The following EPB41L4A variants were observed in gnomAD, a reference collection of about 807,000 sequenced individuals.
EPB41L4A encodes erythrocyte membrane protein band 4.1 like 4A, also known as band 4.1-like protein 4A.
A neutral mutation model predicts 108.6 loss-of-function variants in EPB41L4A; 100 were observed. The ratio of observed to expected loss-of-function variants is 0.92; its 90% confidence interval spans 0.78 to 1.09. The LOEUF is 1.09. EPB41L4A is among the 50% of genes least tolerant of loss of function. The probability of loss-of-function intolerance (pLI) is 0.00; values close to 1 mark genes in which losing one functional copy is unlikely to be tolerated. For missense variants in EPB41L4A, 1,030 were observed against 842.7 expected (o/e 1.22, Z -2.75); for synonymous variants, 319 against 289.0 (o/e 1.10, Z -1.05).
chr5:112,305,660 G>C (rs1206537613), intron 2 of EPB41L4A, among the ~76,000 whole-genome samples: 1 of 152,104 alleles, frequency 6.6e-6, no homozygotes, highest in African/African-American at 2.4e-5. Flanking sequence ...ACAATTAAAA[G>C]ATAATCAGAC....
chr5:112,232,206 G>A (rs1011505345), intron 12 of EPB41L4A, among the ~76,000 whole-genome samples: 11 of 151,956 alleles, frequency 7.2e-5, no homozygotes, highest in African/African-American at 2.7e-4. Flanking sequence ...GCATTAGGGG[G>A]ACCAGCTTAC....
chr5:112,349,870 C>A (rs1458357488), intron 1 of EPB41L4A, among the ~76,000 whole-genome samples: 2 of 152,118 alleles, frequency 1.3e-5, no homozygotes, highest in African/African-American at 4.8e-5. Context: ...AAAAATCTTG[C>A]AAAGCAAAAC....
intron 6 of EPB41L4A, 96 bp downstream of exon 6, chr5:112,264,800 A>G: frequency 8.3e-7 from 1 of 1,200,046 alleles, no homozygotes. Context: ...TTAAATGCAC[A>G]GGTGAAGAAT....
At chr5:112,266,058 C>A (rs1457705642) in intron 5 of EPB41L4A, among the ~76,000 whole-genome samples, 175 bp downstream of exon 5, 1 of 152,166 alleles carries the variant, frequency 6.6e-6, no homozygotes, top group East Asian at 1.9e-4. Context: ...TACTAGGCTC[C>A]ACTTTTACCT....
At chr5:112,181,759 G>C (rs892217424) in intron 18 of EPB41L4A, among the ~76,000 whole-genome samples, 1 of 152,186 alleles carries the variant, frequency 6.6e-6, no homozygotes, top group Non-Finnish European at 1.5e-5. Flanking sequence ...TTCGACAAGA[G>C]AGAAAAACTC....
chr5:112,276,765 C>T (rs1711231536), intron 3 of EPB41L4A, among the ~76,000 whole-genome samples: 1 of 152,122 alleles, frequency 6.6e-6, no homozygotes, highest in East Asian at 1.9e-4. Flanking sequence ...AACATATGAA[C>T]TATGTTACTA....
chr5:112,277,664 T>C (rs771352132), intron 3 of EPB41L4A, among the ~76,000 whole-genome samples: 3 of 152,226 alleles, frequency 2.0e-5, no homozygotes, highest in Non-Finnish European at 2.9e-5. Context: ...TGCACCATTC[T>C]ATACAGCTTC....
intron 1 of EPB41L4A, among the ~76,000 whole-genome samples, chr5:112,359,544 CTTT>C (rs5870498): frequency 4.8e-5 from 7 of 146,350 alleles, no homozygotes; most frequent in African/African-American, 5.0e-5. Context: ...TGAAAGTCTT[CTTT>C]TTTTTTTTTT....
At chr5:112,236,245 C>T (rs1453996626) in intron 11 of EPB41L4A, among the ~76,000 whole-genome samples, 1 of 152,046 alleles carries the variant, frequency 6.6e-6, no homozygotes, top group East Asian at 1.9e-4. Flanking sequence ...GGACCAGAAG[C>T]GTAAAGTGAT....
intron 18 of EPB41L4A, among the ~76,000 whole-genome samples, chr5:112,181,672 T>C (rs1409522669): frequency 6.6e-6 from 1 of 152,142 alleles, no homozygotes; most frequent in Non-Finnish European, 1.5e-5. Flanking sequence ...ATACCATGGA[T>C]GAAGCTCAAA....
exon 13 of EPB41L4A, chr5:112,145,922 G>C (rs1335734852): frequency 2.2e-6 from 1 of 456,780 alleles, no homozygotes; most frequent in Admixed American, 2.3e-5. Flanking sequence ...TGTATTATGA[G>C]AGACCTTCTG....
rs577820832 is a variant in EPB41L4A at position 112,392,338 on chromosome 5, T to A, written c.99+26603A>T. Among the ~76,000 whole-genome samples the A allele has an allele frequency of 5.0e-4, 68 of 136,456 alleles. 1 individual carries two copies. The highest frequency in any genetic ancestry group is 8.9e-4 in the Non-Finnish European group (59 of 66,040). The allele number at this position is 136,456 out of a possible 152,430, so 89.5% of individuals were successfully genotyped here. A position where few individuals can be genotyped will look rare whatever the true frequency, so the allele number is the denominator to read the frequency against. ...CTGTATTCAGGAGACACATCTCACA[T>A]GCAGAGACACACATAGGCTCAAAAT... On this transcript the variant is annotated intron_variant, in intron 1 of 22. Coordinates refer to ENST00000261486, the MANE Select transcript of EPB41L4A (RefSeq NM_022140.5).
intron 1 of EPB41L4A, among the ~76,000 whole-genome samples, chr5:112,366,757 G>C (rs1038295391): frequency 6.6e-6 from 1 of 152,146 alleles, no homozygotes; most frequent in Non-Finnish European, 1.5e-5. Flanking sequence ...ATACAACCAG[G>C]GGGACAAATG....
chr5:112,414,785 G>A (rs1414708079), intron 1 of EPB41L4A, among the ~76,000 whole-genome samples: 1 of 152,082 alleles, frequency 6.6e-6, no homozygotes, highest in Non-Finnish European at 1.5e-5. Context: ...GTAAAATTGA[G>A]GGGCTATTTA....
At chr5:112,157,999 G>C (rs1175376430), downstream of EPB41L4A, among the ~76,000 whole-genome samples, 1 of 152,110 alleles carries the variant, frequency 6.6e-6, no homozygotes, top group African/African-American at 2.4e-5. Flanking sequence ...TTAGTAATTG[G>C]GTTTTCTGTA....
intron 11 of EPB41L4A, 60 bp from the exon 12 acceptor site, chr5:112,234,815 A>G (rs1749213604): frequency 6.4e-7 from 1 of 1,550,968 alleles, no homozygotes. Context: ...AAATTAAACA[A>G]CAGGTCATTC....
At chr5:112,234,184 T>TTAAAATAAAA (rs60528061) in intron 12 of EPB41L4A, among the ~76,000 whole-genome samples, 7 of 145,508 alleles carry the variant, frequency 4.8e-5, no homozygotes, top group Middle Eastern at 3.6e-3. Context: ...ATAAATAAAA[T>TTAAAATAAAA]TAAAATAAAA....
intron 1 of EPB41L4A, among the ~76,000 whole-genome samples, chr5:112,309,079 T>A (rs1035111402): frequency 6.6e-6 from 1 of 152,200 alleles, no homozygotes; most frequent in Non-Finnish European, 1.5e-5. Context: ...TTACTTATAC[T>A]TAGCTCTTCA....
intron 1 of EPB41L4A, among the ~76,000 whole-genome samples, chr5:112,361,712 ATAATAATAAT>A (rs1758779122): frequency 1.4e-5 from 2 of 144,762 alleles, no homozygotes; most frequent in South Asian, 2.2e-4. Flanking sequence ...CTAAAAAAAA[ATAATAATAAT>A]AATAATAATA....
Sources: gnomAD v4.1 joint callset for allele counts (sites outside exome capture counted in the v4.1 genomes callset) on GRCh38, gnomAD v4.1.1 for gene constraint, MANE v1.5 for transcripts, NCBI Gene and HGNC (gene_info 2026-07-23, HGNC 2026-07-21) for gene names.